The following SHC3 variants were observed in gnomAD, a reference collection of about 807,000 sequenced individuals.
SHC3 encodes the protein SHC-transforming protein 3.
Under a neutral mutation model 60.4 loss-of-function variants are expected in SHC3, and 15 were observed. The observed-to-expected ratio is 0.25, with a 90% confidence interval of 0.17 to 0.38. The LOEUF is 0.38. SHC3 is among the 10% of genes least tolerant of loss of function. SHC3 has a pLI of 1.00. For missense variants in SHC3, 677 were observed against 786.1 expected, an observed-to-expected ratio of 0.86 and a Z score of 1.66; for synonymous variants, 294 against 325.9, an observed-to-expected ratio of 0.90 and a Z score of 1.05.
chr9:89,009,253 A>G lies in SHC3; in HGVS notation c.*4194T>C, dbSNP rs1227480995. 1.3e-5 allele frequency: 2 copies of G among 152,222 alleles called. No homozygotes were observed. Among genetic ancestry groups the G allele is most frequent in the South Asian group, 2.1e-4 (1 of 4,824 alleles). The allele number at this position is 152,222 out of a possible 1,614,324, so 9.4% of individuals were successfully genotyped here. On this transcript the variant is annotated 3_prime_UTR_variant, in exon 12 of 12. Transcript: ENST00000375835. ...GAGCTGACAGTTCTAGGTTGGCACT[A>G]TGTCCAGGAGTGGGTTTGTCCTCTT...
chr9:89,075,670 A>G (rs1431467515), intron 3 of SHC3, among the ~76,000 whole-genome samples: 1 of 152,234 alleles, frequency 6.6e-6, no homozygotes, highest in East Asian at 1.9e-4. Flanking sequence ...CTAGGGGATT[A>G]CAAGAATCCC....
chr9:89,033,164 C>T (rs996905587), intron 11 of SHC3, among the ~76,000 whole-genome samples: 8 of 152,026 alleles, frequency 5.3e-5, no homozygotes, highest in African/African-American at 9.7e-5. Flanking sequence ...ATCGTATTTC[C>T]ACAAATTCAT....
At chr9:89,126,900 T>C (rs899927232) in intron 1 of SHC3, among the ~76,000 whole-genome samples, 1 of 152,172 alleles carries the variant, frequency 6.6e-6, no homozygotes, top group Non-Finnish European at 1.5e-5. Context: ...AACAAACTGG[T>C]CAGTTATGTC....
rs146339117 is a variant in SHC3 at position 89,103,352 on chromosome 9, A to G, written c.545+9204T>C. ...TCCAAGCTTTTGAGTTTGGGAGACC[A>G]CGTGGATTGCAGTTACAAGAAGAAT... is the stretch of plus-strand genomic sequence containing the variant. On this transcript the variant is annotated intron_variant, in intron 2 of 11. Coordinates refer to ENST00000375835, the MANE Select transcript of SHC3 (RefSeq NM_016848.6). Among the ~76,000 whole-genome samples, 197 of 152,304 alleles carry G rather than the reference A, an allele frequency of 1.3e-3. 1 individual carries two copies. Among genetic ancestry groups the G allele is most frequent in the African/African-American group, 4.6e-3 (193 of 41,576 alleles).
Position 89,107,990 on chromosome 9 carries a change from T to C in SHC3, c.545+4566A>G, listed in dbSNP as rs541948685. Reference sequence around the variant, plus strand: ...AGGTGGTCCCATGAGTATAATAGTGTATTTTCACTCTACCTTTTCTATGCT... The same window carrying C: ...AGGTGGTCCCATGAGTATAATAGTGCATTTTCACTCTACCTTTTCTATGCT... On this transcript the variant is annotated intron_variant, in intron 2 of 11. Transcript: ENST00000375835. Among the ~76,000 whole-genome samples the C allele has an allele frequency of 5.3e-5, 8 of 152,334 alleles. No homozygotes were observed. In the South Asian group the frequency reaches 1.7e-3, roughly 32 times the overall value.
chr9:89,171,988 G>T (rs1341672806), intron 1 of SHC3, among the ~76,000 whole-genome samples: 1 of 152,216 alleles, frequency 6.6e-6, no homozygotes, highest in Non-Finnish European at 1.5e-5. Flanking sequence ...GCCATCCAGA[G>T]CTGAGAAGAT....
chr9:89,132,118 G>A (rs1390905797), intron 1 of SHC3, among the ~76,000 whole-genome samples: 1 of 152,110 alleles, frequency 6.6e-6, no homozygotes, highest in Non-Finnish European at 1.5e-5. Context: ...ACCATTAACA[G>A]ACAAACAGAG....
chr9:89,140,344 C>T (rs11525128), intron 1 of SHC3, among the ~76,000 whole-genome samples: 2 of 151,682 alleles, frequency 1.3e-5, no homozygotes, highest in Non-Finnish European at 2.9e-5. Context: ...TTCCCCCCCC[C>T]AGATTAAGGG....
intron 1 of SHC3, 83 bp downstream of exon 1, chr9:89,177,904 C>T (rs947546455): frequency 4.0e-5 from 46 of 1,141,082 alleles, no homozygotes; most frequent in Non-Finnish European, 5.0e-5. Flanking sequence ...CGCCCCGCAC[C>T]CCGGGCTTCA....
In SHC3 at chr9:89,178,598, G is replaced by C; in HGVS notation, c.-138C>G. 1 of 700,560 alleles carries C rather than the reference G, an allele frequency of 1.4e-6. No homozygotes were observed. The highest frequency in any genetic ancestry group is 2.1e-6 in the Non-Finnish European group (1 of 466,482). The allele number at this position is 700,560 out of a possible 1,614,324, so 43.4% of individuals were successfully genotyped here. ...GCCCCGGGACAGCCTTCTGGAGAAC[G>C]AGAGCAGAGCAAGAGGATGGTGCCC... On this transcript the variant is annotated 5_prime_UTR_variant, in exon 1 of 12. Coordinates refer to ENST00000375835, the MANE Select transcript of SHC3 (RefSeq NM_016848.6). The surrounding 1 kb of genome is among the most constrained non-coding windows in gnomAD (Gnocchi z 6.9).
rs1003403047 is a variant in SHC3 at position 89,008,197 on chromosome 9, T to C, written c.*5250A>G. The C allele has an allele frequency of 1.3e-5, 2 of 152,252 alleles. No homozygotes were observed. Among genetic ancestry groups the C allele is most frequent in the African/African-American group, 4.8e-5 (2 of 41,466 alleles). The allele number at this position is 152,252 out of a possible 1,614,324, so 9.4% of individuals were successfully genotyped here. A position where few individuals can be genotyped will look rare whatever the true frequency, so the allele number is the denominator to read the frequency against. ...TTATAAATATGTATAAACCCCATTA[T>C]AAATAAATTATGGCTGGCAGATGGC... On this transcript the variant is annotated 3_prime_UTR_variant, in exon 12 of 12. Coordinates refer to ENST00000375835, the MANE Select transcript of SHC3 (RefSeq NM_016848.6).
chr9:89,122,826 G>C (rs547512689), intron 1 of SHC3, among the ~76,000 whole-genome samples: 2 of 152,154 alleles, frequency 1.3e-5, no homozygotes, highest in Non-Finnish European at 2.9e-5. Flanking sequence ...GTGGGAAGGA[G>C]GTCTTTTACC....
chr9:89,124,756 T>C (rs894402695), intron 1 of SHC3, among the ~76,000 whole-genome samples: 1 of 151,658 alleles, frequency 6.6e-6, no homozygotes, highest in African/African-American at 2.4e-5. Flanking sequence ...AAAACTTAGA[T>C]GACAGGTAGA....
intron 2 of SHC3, among the ~76,000 whole-genome samples, chr9:89,085,973 T>C (rs1365843440): frequency 2.0e-5 from 3 of 152,218 alleles, no homozygotes; most frequent in Non-Finnish European, 4.4e-5. Flanking sequence ...GTATGAGTGA[T>C]TAACAACCAA....
At chr9:89,054,839 G>C (rs1255542759) in intron 6 of SHC3, among the ~76,000 whole-genome samples, 1 of 152,188 alleles carries the variant, frequency 6.6e-6, no homozygotes, top group East Asian at 1.9e-4. Flanking sequence ...GCCTGCAATA[G>C]TTCATTTACT....
At position 89,048,510 on chromosome 9, in the gene SHC3, G is replaced by T. The variant is rs527800784; in HGVS notation, c.963-1516C>A. 2.6e-5 allele frequency among the ~76,000 whole-genome samples: 4 copies of T among 152,292 alleles called. No individual in the cohort carries two copies. In the South Asian group the frequency reaches 8.3e-4, roughly 32 times the overall value. On this transcript the variant is annotated intron_variant, in intron 7 of 11. Coordinates refer to ENST00000375835, the MANE Select transcript of SHC3 (RefSeq NM_016848.6). ...AGATTAGTGGTTGGTGGAAGAGTGG[G>T]GAGTGGAGAATGGGGAGTAATTGCT...
chr9:89,079,936 C>T (rs1825418913), intron 2 of SHC3, among the ~76,000 whole-genome samples: 1 of 152,186 alleles, frequency 6.6e-6, no homozygotes, highest in Admixed American at 6.5e-5. Context: ...AAATTCCTTC[C>T]TAATGCTCAT....
rs1825999088 is a variant in SHC3, at chr9:89,010,353, G to T, written c.*3094C>A. The T allele has an allele frequency of 6.6e-6, 1 of 152,228 alleles. No individual in the cohort carries two copies. The allele number at this position is 152,228 out of a possible 1,614,324, so 9.4% of individuals were successfully genotyped here. ...ACTCAGAGGCAGCCTTGGAGGTCAA[G>T]AATCAAAGCTGACTTAAACCACAAT... On this transcript the variant is annotated 3_prime_UTR_variant, in exon 12 of 12. Transcript: ENST00000375835.
chr9:89,160,163 C>T (rs532996648), intron 1 of SHC3, among the ~76,000 whole-genome samples: 73 of 152,312 alleles, frequency 4.8e-4, no homozygotes, highest in African/African-American at 1.7e-3. Context: ...TATGTAGTGT[C>T]AGGTGTCCCT....
Sources: gnomAD v4.1 joint callset for allele counts (sites outside exome capture counted in the v4.1 genomes callset) on GRCh38, gnomAD v4.1.1 for gene constraint, Gnocchi (gnomAD v3.1) non-coding constraint, MANE v1.5 for transcripts, NCBI Gene and HGNC (gene_info 2026-07-23, HGNC 2026-07-21) for gene names.